NBPF14: variants seen among roughly 807,000 people sequenced by gnomAD.
NBPF14 encodes the protein NBPF family member NBPF14.
NBPF14 carries 104 observed loss-of-function variants against 91.2 expected under a neutral mutation model. That is an observed-to-expected ratio of 1.14 (90% CI 0.97 to 1.34). The LOEUF is 1.34. Ranked by LOEUF, NBPF14 falls within the 40% of genes most tolerant of loss-of-function variation. NBPF14 has a pLI of 0.00. For missense variants in NBPF14, 908 were observed against 783.0 expected (o/e 1.16, Z -1.91); for synonymous variants, 294 against 303.8 (o/e 0.97, Z 0.34).
At chr1:148,556,830 G>A in exon 41 of NBPF14, 1 of 219,084 alleles carries the variant, frequency 4.6e-6, no homozygotes, top group South Asian at 3.3e-5. Context: ...CAAGACTTCA[G>A]GCTCTACTAC....
exon 8 of NBPF14, chr1:148,587,324 C>G: frequency 6.3e-7 from 1 of 1,581,698 alleles, no homozygotes; most frequent in Non-Finnish European, 8.6e-7. Context: ...CTTGCTTCAG[C>G]TGCTCCGCAA....
chr1:148,590,333 A>C (rs1373826180), intron 6 of NBPF14, among the ~76,000 whole-genome samples: 1 of 144,234 alleles, frequency 6.9e-6, no homozygotes, highest in African/African-American at 2.5e-5. Context: ...CTCGGATTAC[A>C]GGTGTGACCC....
chr1:148,533,947 C>G (rs1220898094), exon 70 of NBPF14: 2 of 725,116 alleles, frequency 2.8e-6, no homozygotes, highest in South Asian at 2.8e-5. Flanking sequence ...TTCTTTTTTT[C>G]CCCTTCCCCT....
intron 6 of NBPF14, 117 bp from the exon 7 acceptor site, chr1:148,589,510 C>T (rs1571047491): frequency 1.5e-5 from 1 of 64,770 alleles, no homozygotes. Flanking sequence ...GATGATGTTT[C>T]CCTGGTTTCA....
At chr1:148,533,864 G>A (rs1238541093) in exon 70 of NBPF14, 3 of 763,962 alleles carry the variant, frequency 3.9e-6, no homozygotes, top group Non-Finnish European at 7.2e-6. Context: ...AAGTCACCTG[G>A]GGCATGGTGG....
chr1:148,536,013 G>A (rs1302906114), intron 67 of NBPF14, among the ~76,000 whole-genome samples: 3 of 150,392 alleles, frequency 2.0e-5, no homozygotes, highest in Non-Finnish European at 4.5e-5. Flanking sequence ...CCACAGGCAT[G>A]GCCTGAGACT....
Position 148,559,891 on chromosome 1 carries a change from G to T in NBPF14, c.4631C>A (p.Pro1544His). The change falls in exon 37 of 71, where the codon CCT becomes CAT. Residue 1544 changes from proline (P) to histidine (H), a missense_variant. This residue lies in a region of NBPF14 where 447 missense variants were observed against 189.1 expected (regional missense o/e 2.36). Transcript: ENST00000619423. ...GTCAGTCAGTTCAAGACAACCTGAA[G>T]GAGTTGAATAACATCTATCCAGTGA... 1.5e-6 allele frequency: 2 copies of T among 1,296,428 alleles called. 1 individual carries two copies. The highest frequency in any genetic ancestry group is 2.6e-5 in the South Asian group (2 of 77,268). 80.3% of individuals were successfully genotyped at this position (1,296,428 alleles called of 1,614,324 possible).
At chr1:148,575,761 G>A in exon 17 of NBPF14, 2 of 291,544 alleles carry the variant, frequency 6.9e-6, no homozygotes, top group South Asian at 4.7e-5. Context: ...TCTATCCAGT[G>A]AGTCCTGCAA....
At chr1:148,534,194 C>T (rs1324813378) in intron 69 of NBPF14, among the ~76,000 whole-genome samples, 11 of 149,960 alleles carry the variant, frequency 7.3e-5, no homozygotes, top group African/African-American at 2.7e-4. Flanking sequence ...GATCGTTATC[C>T]CAATATCATT....
At chr1:148,577,497 T>C (rs1660048045) in intron 14 of NBPF14, 142 bp from the exon 15 acceptor site, 6 of 708,802 alleles carry the variant, frequency 8.5e-6, no homozygotes, top group South Asian at 4.5e-5. Context: ...TTATTGCCTT[T>C]ATGTTGGGAT....
chr1:148,542,961 CAGAGAG>C (rs1160999375), intron 58 of NBPF14, among the ~76,000 whole-genome samples: 149 of 16,128 alleles, frequency 9.2e-3, no homozygotes, highest in East Asian at 0.026. Context: ...CACACACACA[CAGAGAG>C]AGAGAGAACG....
intron 59 of NBPF14, among the ~76,000 whole-genome samples, chr1:148,542,190 G>C (rs1273505166): frequency 1.5e-5 from 1 of 68,854 alleles, no homozygotes; most frequent in African/African-American, 1.4e-4. Flanking sequence ...CAACAAATAC[G>C]CAGATTGTTC....
Position 148,559,852 on chromosome 1 carries a change from T to C in NBPF14, c.4670A>G (p.Tyr1557Cys), listed in dbSNP as rs1268725203. ...CTCCAATATGTAAAAGGCACTTCTATAGGGCTGGCATGAGTCAGTCAGTTC... is the reference window on the plus strand; with the variant it reads ...CTCCAATATGTAAAAGGCACTTCTACAGGGCTGGCATGAGTCAGTCAGTTC... The change falls in exon 37 of 71, where the codon TAT becomes TGT. Residue 1557 changes from tyrosine to cysteine, a missense_variant. Tyr to Cys is a radical substitution (Grantham distance 194). This residue lies in a region of NBPF14 where 447 missense variants were observed against 189.1 expected (regional missense o/e 2.36). Transcript: ENST00000619423. 13 of 1,521,178 alleles carry C rather than the reference T, an allele frequency of 8.5e-6. 2 individuals carry two copies. Among genetic ancestry groups the C allele is most frequent in the South Asian group, 4.9e-5 (4 of 81,978 alleles). The allele number at this position is 1,521,178 out of a possible 1,614,324, so 94.2% of individuals were successfully genotyped here.
exon 70 of NBPF14, chr1:148,533,912 C>T: frequency 2.7e-6 from 2 of 752,656 alleles, no homozygotes; most frequent in Non-Finnish European, 4.8e-6. Flanking sequence ...TCCCCTTCTT[C>T]TTTCCTTCTT....
intron 14 of NBPF14, among the ~76,000 whole-genome samples, 188 bp from the exon 15 acceptor site, chr1:148,577,543 G>GACACACACACACAC (rs1184575767): frequency 5.7e-5 from 8 of 141,144 alleles, no homozygotes; most frequent in Non-Finnish European, 1.1e-4. Context: ...GAACGAGAAA[G>GACACACACACACAC]ACACACACAC....
In NBPF14 at chr1:148,535,282, A is replaced by T. The variant is rs1654911341; in HGVS notation, c.8441+171T>A. Among the ~76,000 whole-genome samples, 2 of 150,182 alleles carry T rather than the reference A, an allele frequency of 1.3e-5. 1 individual carries two copies. Among genetic ancestry groups the T allele is most frequent in the Non-Finnish European group, 2.9e-5 (2 of 67,930 alleles). ...CAGTAAGTGAGTAAATGATAAGGGG[A>T]GGAAGAAATGGAAACCTAAACATCT... On this transcript the variant is annotated intron_variant, in intron 68 of 70. Transcript: ENST00000619423.
rs1474181231 is a variant in NBPF14, at chr1:148,538,262, C to G, written c.7935-256G>C. Among the ~76,000 whole-genome samples the G allele has an allele frequency of 4.0e-3, 235 of 58,732 alleles. 9 individuals are homozygous for G. The highest frequency in any genetic ancestry group is 0.02 in the African/African-American group (225 of 11,198). The allele number at this position is 58,732 out of a possible 152,430, so 38.5% of individuals were successfully genotyped here. A position where few individuals can be genotyped will look rare whatever the true frequency, so the allele number is the denominator to read the frequency against. On this transcript the variant is annotated intron_variant, in intron 64 of 70. Coordinates refer to ENST00000619423, the Ensembl canonical transcript of NBPF14. ...CACACACACACAGAGAGAGAGAGAA[C>G]GAGCTCAGTGAATTGTCCAGGTGAC...
chr1:148,535,309 C>A (rs1654916519), intron 68 of NBPF14, 144 bp downstream of exon 68: 2 of 618,960 alleles, frequency 3.2e-6, no homozygotes, highest in Non-Finnish European at 5.6e-6. Context: ...TAAACATCTA[C>A]TGCAATGAAA....
Position 148,572,593 on chromosome 1 carries a change from C to A in NBPF14, c.2608G>T (p.Glu870Ter). ...TCCTGCAAGACTTCAGGCTCTTTCTCATCCAGCAGCTCCCTGCTGAGCCTG... is the reference window on the plus strand; with the variant it reads ...TCCTGCAAGACTTCAGGCTCTTTCTAATCCAGCAGCTCCCTGCTGAGCCTG... Residue 870 changes from glutamate to a stop codon, truncating the protein, a stop_gained, in exon 21 of 71, where the codon GAG becomes TAG. Transcript: ENST00000619423. LOFTEE classifies it high-confidence loss of function. The A allele has an allele frequency of 4.9e-6, 3 of 614,898 alleles. 1 individual carries two copies. The highest frequency in any genetic ancestry group is 1.7e-5 in the South Asian group (1 of 58,276). The allele number at this position is 614,898 out of a possible 1,614,324, so 38.1% of individuals were successfully genotyped here. A position where few individuals can be genotyped will look rare whatever the true frequency, so the allele number is the denominator to read the frequency against.
Sources: gnomAD v4.1 joint callset for allele counts (sites outside exome capture counted in the v4.1 genomes callset) on GRCh38, gnomAD v4.1.1 for gene constraint, gnomAD v4.1.1 regional missense constraint, MANE v1.5 for transcripts, NCBI Gene and HGNC (gene_info 2026-07-23, HGNC 2026-07-21) for gene names.